TRIM16: variants seen among roughly 807,000 people sequenced by gnomAD.
TRIM16 encodes tripartite motif-containing protein 16.
A neutral mutation model predicts 50.4 loss-of-function variants in TRIM16; 33 were observed. The ratio of observed to expected loss-of-function variants is 0.65; its 90% CI spans 0.50 to 0.88. The LOEUF (loss-of-function observed/expected upper bound fraction) is 0.88, where lower values mean the gene tolerates loss of function less well. TRIM16 is among the 40% of genes least tolerant of loss of function. The pLI, the probability that TRIM16 is intolerant of heterozygous loss-of-function variation, is 0.00. For synonymous variants in TRIM16, 229 were observed against 270.7 expected (o/e 0.85, Z 1.51); for missense variants, 581 against 686.8 (o/e 0.85, Z 1.72).
chr17:15,663,098 G>A (rs1221066582), intron 6 of TRIM16, among the ~76,000 whole-genome samples: 5 of 152,054 alleles, frequency 3.3e-5, no homozygotes, highest in Admixed American at 2.0e-4. Flanking sequence ...GGAGGACAAG[G>A]GCACAATACC....
intron 6 of TRIM16, among the ~76,000 whole-genome samples, chr17:15,666,995 GAACT>G (rs930315187): frequency 6.6e-6 from 1 of 152,178 alleles, no homozygotes; most frequent in African/African-American, 2.4e-5. Flanking sequence ...GGATGGAGCA[GAACT>G]AATAGGCTTA....
chr17:15,664,697 G>GT (rs1312750545), intron 6 of TRIM16, among the ~76,000 whole-genome samples: 2 of 152,088 alleles, frequency 1.3e-5, no homozygotes, highest in East Asian at 3.9e-4. Context: ...TCCTGTCACA[G>GT]TATCAACGTC....
At chr17:15,649,524 G>A (rs1420015097) in intron 7 of TRIM16, among the ~76,000 whole-genome samples, 1 of 152,152 alleles carries the variant, frequency 6.6e-6, no homozygotes, top group East Asian at 1.9e-4. Flanking sequence ...CTGCCCTCAT[G>A]ATCTGCCTGC....
chr17:15,669,932 T>C (rs1988657108), intron 6 of TRIM16, among the ~76,000 whole-genome samples: 1 of 152,136 alleles, frequency 6.6e-6, no homozygotes. Flanking sequence ...CAAAACTCTC[T>C]CCAGACACTG....
In TRIM16 at chr17:15,651,289, C is replaced by G; in HGVS notation, c.321G>C (p.Pro107=). Residue 107 remains proline, a synonymous_variant, in exon 7 of 12, where the codon CCG becomes CCC. Coordinates refer to ENST00000649191, the MANE Select transcript of TRIM16 (RefSeq NM_001348119.1). The part of the protein sequence containing the change: ...MVNYCEEHLQ[P]HQVNIKLQSH... The stretch of plus-strand genomic sequence containing the variant: ...TTTGCAGTTTGATGTTCACCTGATG[C>G]GGCTGCAAGTGCTCTTCACAGTAAT... The G allele has an allele frequency of 1.2e-6, 2 of 1,614,226 alleles. No individual in the cohort carries two copies. The highest frequency in any genetic ancestry group is 1.7e-6 in the Non-Finnish European group (2 of 1,180,036).
chr17:15,673,318 C>T lies in TRIM16; in HGVS notation c.-338+3858G>A, dbSNP rs1474029984. Among the ~76,000 whole-genome samples, 4 of 152,174 alleles carry T rather than the reference C, an allele frequency of 2.6e-5. No homozygotes were observed. The South Asian group carries it at 6.2e-4, about 24-fold the overall frequency. On this transcript the variant is annotated intron_variant, in intron 6 of 11. Coordinates refer to ENST00000649191, the MANE Select transcript of TRIM16 (RefSeq NM_001348119.1). The stretch of plus-strand genomic sequence containing the variant: ...GTTTATTCAGAGTGGTCTGTCTCAC[C>T]GCTAATTTTCAGAACAAAAATCCTT...
chr17:15,649,762 C>T (rs533058876), intron 7 of TRIM16, among the ~76,000 whole-genome samples: 17 of 152,264 alleles, frequency 1.1e-4, no homozygotes, highest in African/African-American at 3.6e-4. Flanking sequence ...TTCCTCACTC[C>T]GTGACTTAAT....
chr17:15,659,305 G>A (rs908993665), intron 6 of TRIM16, among the ~76,000 whole-genome samples: 1 of 152,146 alleles, frequency 6.6e-6, no homozygotes, highest in Non-Finnish European at 1.5e-5. Flanking sequence ...GTCTTCCAGT[G>A]AGGTGTGGCT....
At chr17:15,657,706 GC>G (rs1275793314) in intron 6 of TRIM16, among the ~76,000 whole-genome samples, 6 of 152,166 alleles carry the variant, frequency 3.9e-5, no homozygotes, top group African/African-American at 1.4e-4. Context: ...ATCGTAGCAT[GC>G]ATCTGAATTT....
chr17:15,646,390 G>A (rs1033573520), intron 7 of TRIM16, among the ~76,000 whole-genome samples: 2 of 140,808 alleles, frequency 1.4e-5, no homozygotes, highest in African/African-American at 2.9e-5. Context: ...GCCCAGAAGC[G>A]GGACTGTGGT....
intron 7 of TRIM16, among the ~76,000 whole-genome samples, chr17:15,649,589 G>A (rs7223394): frequency 0.22 from 32,742 of 151,976 alleles, 3,687 homozygotes; most frequent in East Asian, 0.31. Context: ...CCCGGCTGGT[G>A]GAGATTATTT....
At position 15,650,682 on chromosome 17, in the gene TRIM16, G is replaced by C. The variant is rs564051875; in HGVS notation, c.519+409C>G. Among the ~76,000 whole-genome samples the C allele has an allele frequency of 4.6e-5, 7 of 152,266 alleles. No individual in the cohort carries two copies. In the East Asian group the frequency reaches 1.2e-3, roughly 25 times the overall value. On this transcript the variant is annotated intron_variant, in intron 7 of 11. Transcript: ENST00000649191. ...TTCTTTTCTCTTGAATTTCTGCCAA[G>C]GTTTTATTTCATTAATTGACAATGG...
intron 6 of TRIM16, among the ~76,000 whole-genome samples, chr17:15,655,013 T>C (rs1987907031): frequency 6.6e-6 from 1 of 151,478 alleles, no homozygotes; most frequent in South Asian, 2.1e-4. Context: ...AAAAAAAATG[T>C]AGCTTGTCAG....
chr17:15,682,488 T>C (rs1989222148), intron 3 of TRIM16, among the ~76,000 whole-genome samples: 1 of 152,242 alleles, frequency 6.6e-6, no homozygotes, highest in Non-Finnish European at 1.5e-5. Context: ...GATCCCTTTG[T>C]ATCTCCTTAA....
At chr17:15,650,166 A>G (rs1022539747) in intron 7 of TRIM16, among the ~76,000 whole-genome samples, 2 of 152,218 alleles carry the variant, frequency 1.3e-5, no homozygotes, top group South Asian at 2.1e-4. Context: ...CTTTGATGCC[A>G]GGGAACATTT....
intron 6 of TRIM16, among the ~76,000 whole-genome samples, chr17:15,666,637 C>T (rs978865986): frequency 1.3e-5 from 2 of 152,184 alleles, no homozygotes; most frequent in African/African-American, 4.8e-5. Context: ...TTTGCTTGTG[C>T]TGGAACTTCA....
chr17:15,642,302 C>CT (rs1324379607), intron 8 of TRIM16, among the ~76,000 whole-genome samples: 3 of 148,960 alleles, frequency 2.0e-5, no homozygotes, highest in African/African-American at 7.4e-5. Flanking sequence ...TTCTCAACTC[C>CT]TTTTTTCCAG....
At chr17:15,652,455 CT>C (rs34158100) in intron 6 of TRIM16, among the ~76,000 whole-genome samples, 80 of 65,388 alleles carry the variant, frequency 1.2e-3, no homozygotes, top group Non-Finnish European at 1.8e-3. Context: ...CGGTGCCCAC[CT>C]TTTTTTTTTT....
At chr17:15,649,986 T>C (rs540056850) in intron 7 of TRIM16, among the ~76,000 whole-genome samples, 30 of 152,170 alleles carry the variant, frequency 2.0e-4, no homozygotes, top group Non-Finnish European at 4.0e-4. Context: ...CTGGGAACAC[T>C]GGAAACAGTT....
Sources: gnomAD v4.1 joint callset for allele counts (sites outside exome capture counted in the v4.1 genomes callset) on GRCh38, gnomAD v4.1.1 for gene constraint, MANE v1.5 for transcripts, NCBI Gene and HGNC (gene_info 2026-07-23, HGNC 2026-07-21) for gene names.